The following CAMKMT variants were observed in gnomAD, a reference collection of about 807,000 sequenced individuals.
CAMKMT encodes CaM KMT.
In CAMKMT, 53 loss-of-function variants were observed where a neutral mutation model predicts 48.0. The observed-to-expected ratio is 1.10, with a 90% CI of 0.89 to 1.39. The LOEUF is 1.39. Ranked by LOEUF, CAMKMT falls within the 40% of genes most tolerant of loss-of-function variation. CAMKMT has a pLI of 0.00. For missense variants in CAMKMT, 428 were observed against 402.7 expected, an observed-to-expected ratio of 1.06 and a Z score of -0.54; for synonymous variants, 165 against 152.3, an observed-to-expected ratio of 1.08 and a Z score of -0.61.
At chr2:44,434,664 C>G (rs926860450) in intron 3 of CAMKMT, among the ~76,000 whole-genome samples, 1 of 152,092 alleles carries the variant, frequency 6.6e-6, no homozygotes, top group East Asian at 1.9e-4. Flanking sequence ...AATGAAGCAG[C>G]TTTGTGTGTG....
At chr2:44,438,343 A>G (rs1364746597) in intron 3 of CAMKMT, among the ~76,000 whole-genome samples, 2 of 152,222 alleles carry the variant, frequency 1.3e-5, no homozygotes, top group East Asian at 3.8e-4. Flanking sequence ...GTTAAGTTTG[A>G]ATATAATTGG....
intron 3 of CAMKMT, among the ~76,000 whole-genome samples, chr2:44,443,428 A>C (rs575110959): frequency 6.6e-6 from 1 of 152,302 alleles, no homozygotes; most frequent in South Asian, 2.1e-4. Context: ...GTATGTATAT[A>C]AGTCCTGTCA....
At chr2:44,609,845 A>G (rs751755518) in intron 3 of CAMKMT, among the ~76,000 whole-genome samples, 21 of 152,222 alleles carry the variant, frequency 1.4e-4, no homozygotes, top group African/African-American at 3.6e-4. Flanking sequence ...TTACTGTTGC[A>G]GTGACCCACT....
In CAMKMT at chr2:44,607,830, A is replaced by T. The variant is rs185046256; in HGVS notation, c.377-96453A>T. On this transcript the variant is annotated intron_variant, in intron 3 of 10. Transcript: ENST00000378494. ...TATATATGCTCATTACTTTATTTTT[A>T]AAAAACTTTTTATTATGAAATGTAA... 3.0e-3 allele frequency among the ~76,000 whole-genome samples: 453 copies of T among 152,148 alleles called. 3 individuals carry two copies. The highest frequency in any genetic ancestry group is 0.01 in the African/African-American group (428 of 41,536).
intron 2 of CAMKMT, among the ~76,000 whole-genome samples, chr2:44,380,175 G>A (rs544046015): frequency 1.3e-5 from 2 of 151,986 alleles, no homozygotes; most frequent in Non-Finnish European, 2.9e-5. Context: ...TCCTTACTCA[G>A]CAGGCCATTT....
chr2:44,428,092 C>T (rs1425627280), intron 3 of CAMKMT, among the ~76,000 whole-genome samples: 2 of 152,140 alleles, frequency 1.3e-5, no homozygotes, highest in Non-Finnish European at 2.9e-5. Flanking sequence ...TTAACCAGCT[C>T]AGTGGAGGGT....
At chr2:44,609,170 A>T (rs756620728) in intron 3 of CAMKMT, among the ~76,000 whole-genome samples, 15 of 152,254 alleles carry the variant, frequency 9.9e-5, no homozygotes, top group Non-Finnish European at 2.1e-4. Context: ...AGTAGAGGGT[A>T]GAATGGCGAT....
intron 3 of CAMKMT, chr2:44,400,668 A>G (rs902907253): frequency 6.6e-6 from 1 of 151,942 alleles, no homozygotes; most frequent in Non-Finnish European, 1.5e-5. Context: ...TTTGGGAAAT[A>G]TTTTTTCCCA....
intron 8 of CAMKMT, among the ~76,000 whole-genome samples, chr2:44,744,904 T>G (rs1387131407): frequency 6.6e-6 from 1 of 152,168 alleles, no homozygotes; most frequent in African/African-American, 2.4e-5. Flanking sequence ...CAGAAAATCT[T>G]GTTCCAAAAA....
In CAMKMT at chr2:44,365,237, T is replaced by C. The variant is rs373512979; in HGVS notation, c.138+3092T>C. Among the ~76,000 whole-genome samples the C allele has an allele frequency of 1.2e-4, 19 of 152,304 alleles. No individual in the cohort carries two copies. The South Asian group carries it at 2.1e-3, about 17-fold the overall frequency. On this transcript the variant is annotated intron_variant, in intron 1 of 10. Coordinates refer to ENST00000378494, the MANE Select transcript of CAMKMT (RefSeq NM_024766.5). ...GTTTTTTCCTTTAAAATTCTGTCTT[T>C]CCATTACCCTATAGAGCTCCAAGGC...
chr2:44,706,282 T>TTCAGG lies in CAMKMT; in HGVS notation c.438-4_438dup. ...GGGTTCTACCATTTCTTTTCTCTCTTTCAGGGCCCTTGCTGTGTGTGAGCT... is the reference window on the plus strand; with the variant it reads ...GGGTTCTACCATTTCTTTTCTCTCTTTCAGGTCAGGGCCCTTGCTGTGTGTGAGCT... On this transcript the variant is annotated splice_polypyrimidine_tract_variant and splice_region_variant and intron_variant, in intron 4 of 10. Transcript: ENST00000378494. 1 of 1,613,334 alleles carries TTCAGG rather than the reference T, an allele frequency of 6.2e-7. No homozygotes were observed. Among genetic ancestry groups the TTCAGG allele is most frequent in the South Asian group, 1.1e-5 (1 of 91,058 alleles).
At chr2:44,544,770 G>A (rs1667304641) in intron 3 of CAMKMT, among the ~76,000 whole-genome samples, 1 of 152,090 alleles carries the variant, frequency 6.6e-6, no homozygotes, top group Non-Finnish European at 1.5e-5. Context: ...TTGATGGGCA[G>A]GCTATAAGAT....
At chr2:44,419,278 T>A (rs113417586) in intron 3 of CAMKMT, among the ~76,000 whole-genome samples, 3,708 of 152,320 alleles carry the variant, frequency 0.024, 165 homozygotes, top group African/African-American at 0.085. Flanking sequence ...GCCAGCTCTT[T>A]CTGCTGGAAA....
chr2:44,424,283 A>T (rs1474050420), intron 3 of CAMKMT, among the ~76,000 whole-genome samples: 1 of 151,956 alleles, frequency 6.6e-6, no homozygotes, highest in Non-Finnish European at 1.5e-5. Flanking sequence ...TTAGGAAGGA[A>T]TGGGCTTTAG....
intron 3 of CAMKMT, among the ~76,000 whole-genome samples, chr2:44,536,857 G>A (rs1298627870): frequency 6.6e-6 from 1 of 152,072 alleles, no homozygotes; most frequent in Non-Finnish European, 1.5e-5. Flanking sequence ...AGAAGTAAAT[G>A]CACATATTTA....
At chr2:44,768,826 C>T (rs1203969374) in intron 10 of CAMKMT, among the ~76,000 whole-genome samples, 1 of 152,172 alleles carries the variant, frequency 6.6e-6, no homozygotes, top group East Asian at 1.9e-4. Flanking sequence ...CCCTGGGACG[C>T]GCTGCTCCCC....
At chr2:44,744,631 A>G (rs536017387) in intron 8 of CAMKMT, among the ~76,000 whole-genome samples, 2 of 152,268 alleles carry the variant, frequency 1.3e-5, no homozygotes, top group South Asian at 4.1e-4. Context: ...TTATATTGAT[A>G]AGGCCAATCA....
At chr2:44,524,941 G>C (rs1056948085) in intron 3 of CAMKMT, among the ~76,000 whole-genome samples, 4 of 148,646 alleles carry the variant, frequency 2.7e-5, no homozygotes, top group Non-Finnish European at 4.4e-5. Flanking sequence ...CAGTTTAAGA[G>C]CCTCTCCATA....
intron 3 of CAMKMT, among the ~76,000 whole-genome samples, chr2:44,396,286 T>G (rs1364103928): frequency 1.6e-5 from 1 of 64,458 alleles, no homozygotes; most frequent in African/African-American, 1.0e-4. Flanking sequence ...GACCCTTTAT[T>G]CAAAAAGCGC....
Sources: allele counts gnomAD v4.1 joint callset (sites outside exome capture counted in the v4.1 genomes callset), GRCh38; gene constraint gnomAD v4.1.1; transcripts MANE v1.5; gene names NCBI Gene and HGNC (gene_info 2026-07-23, HGNC 2026-07-21).